Variants in COL24A1 observed in about 807,000 individuals in gnomAD.
The protein encoded by COL24A1 is collagen type XXIV alpha 1 chain, also known as collagen alpha-1(XXIV) chain.
A neutral mutation model predicts 253.9 loss-of-function variants in COL24A1; 224 were observed. That is an observed-to-expected ratio of 0.88 (90% CI 0.79 to 0.99). COL24A1 has a LOEUF of 0.99. Ranked by LOEUF, COL24A1 falls within the 50% of genes least tolerant of loss-of-function variation. COL24A1 has a pLI of 0.00. For missense variants in COL24A1, 2,131 were observed against 2,068.5 expected, an observed-to-expected ratio of 1.03 and a Z score of -0.59; for synonymous variants, 685 against 673.7, an observed-to-expected ratio of 1.02 and a Z score of -0.26.
chr1:86,030,755 T>C (rs1409217156), intron 14 of COL24A1, among the ~76,000 whole-genome samples: 3 of 148,026 alleles, frequency 2.0e-5, no homozygotes, highest in African/African-American at 7.3e-5. Flanking sequence ...TCTTTCTTTT[T>C]TTTTTTTTTT....
chr1:86,139,175 A>C (rs1193741265), intron 2 of COL24A1, among the ~76,000 whole-genome samples: 1 of 20,434 alleles, frequency 4.9e-5, no homozygotes, highest in Non-Finnish European at 9.3e-4. Flanking sequence ...AGGGAGAAGG[A>C]GAAAGGGGGG....
chr1:85,844,146 A>C (rs551378516), intron 39 of COL24A1, among the ~76,000 whole-genome samples: 2 of 152,240 alleles, frequency 1.3e-5, no homozygotes, highest in South Asian at 4.1e-4. Context: ...AAAGAGAAAA[A>C]GGAATCTTTT....
intron 3 of COL24A1, among the ~76,000 whole-genome samples, 197 bp from the exon 4 acceptor site, chr1:86,115,575 GC>G (rs1302111346): frequency 1.3e-5 from 2 of 152,156 alleles, no homozygotes; most frequent in African/African-American, 4.8e-5. Flanking sequence ...CTTTAATCTG[GC>G]CAGAAATGGC....
chr1:85,963,230 T>C (rs1691236861), intron 23 of COL24A1, among the ~76,000 whole-genome samples: 1 of 152,192 alleles, frequency 6.6e-6, no homozygotes, highest in Admixed American at 6.6e-5. Flanking sequence ...AGTTTCTGTA[T>C]GTATTTAGAT....
intron 12 of COL24A1, among the ~76,000 whole-genome samples, 199 bp from the exon 13 acceptor site, chr1:86,034,122 CTA>C (rs1289909906): frequency 1.3e-5 from 2 of 152,112 alleles, no homozygotes; most frequent in Non-Finnish European, 2.9e-5. Flanking sequence ...TACAGTATTT[CTA>C]TATGTTATAA....
At chr1:86,057,839 A>T in intron 10 of COL24A1, 92 bp downstream of exon 10, 1 of 1,115,936 alleles carries the variant, frequency 9.0e-7, no homozygotes, top group Non-Finnish European at 1.3e-6. Context: ...ATTCAAAGCT[A>T]CTAAGAGAGT....
chr1:85,824,890 C>A (rs889507707), intron 43 of COL24A1, among the ~76,000 whole-genome samples: 4 of 142,672 alleles, frequency 2.8e-5, no homozygotes, highest in Admixed American at 7.2e-5. Context: ...CATAGGCTAA[C>A]AATATTTATT....
rs1296417800 is a variant in COL24A1, at chr1:85,868,765, T to C, written c.3192+17A>G. ...CAAAACATCTATTTTATATATAATC[T>C]TAAAAGTATAATTTACCTTTAACCC... On this transcript the variant is annotated intron_variant, in intron 36 of 59. Coordinates refer to ENST00000370571, the MANE Select transcript of COL24A1 (RefSeq NM_152890.7). The C allele has an allele frequency of 6.6e-7, 1 of 1,506,898 alleles. No homozygotes were observed. The highest frequency in any genetic ancestry group is 1.4e-5 in the African/African-American group (1 of 71,178). 93.3% of individuals were successfully genotyped at this position (1,506,898 alleles called of 1,614,324 possible).
At chr1:86,112,453 A>G (rs567266932) in intron 5 of COL24A1, 114 bp downstream of exon 5, 2 of 831,300 alleles carry the variant, frequency 2.4e-6, no homozygotes, top group African/African-American at 3.4e-5. Context: ...TCTGGAGGTG[A>G]CAGAGATCCT....
chr1:85,829,796 G>A (rs1301815771), intron 43 of COL24A1, among the ~76,000 whole-genome samples: 1 of 151,892 alleles, frequency 6.6e-6, no homozygotes, highest in South Asian at 2.1e-4. Context: ...GCACTTCTCT[G>A]TATTGGTTAT....
intron 48 of COL24A1, 150 bp from the exon 49 acceptor site, chr1:85,784,516 A>T (rs751865913): frequency 6.9e-5 from 41 of 597,408 alleles, no homozygotes; most frequent in Non-Finnish European, 1.0e-4. Context: ...CATCTTGTTC[A>T]CCAATATTTT....
intron 19 of COL24A1, among the ~76,000 whole-genome samples, chr1:85,996,347 A>T (rs767938480): frequency 2.0e-5 from 3 of 152,132 alleles, no homozygotes; most frequent in Non-Finnish European, 4.4e-5. Flanking sequence ...CTCAATATCT[A>T]TATATCTGTC....
intron 37 of COL24A1, among the ~76,000 whole-genome samples, chr1:85,866,652 T>C (rs1012923041): frequency 6.6e-6 from 1 of 152,058 alleles, no homozygotes; most frequent in African/African-American, 2.4e-5. Flanking sequence ...TGCGTGCCTG[T>C]AGTCCCAGCT....
At chr1:85,754,537 T>A (rs369323793) in intron 55 of COL24A1, among the ~76,000 whole-genome samples, 1,289 of 91,044 alleles carry the variant, frequency 0.014, no homozygotes, top group East Asian at 0.019. Flanking sequence ...TAGAGTATAA[T>A]AAAAAAAAAA....
intron 7 of COL24A1, among the ~76,000 whole-genome samples, chr1:86,068,993 G>C (rs1024224295): frequency 1.3e-5 from 2 of 152,086 alleles, no homozygotes; most frequent in Admixed American, 6.6e-5. Context: ...GTGTGCTGTG[G>C]GCCTTGGGCT....
rs148123822 is a variant in COL24A1, at chr1:85,910,472, T to C, written c.2617-469A>G. 2.3e-3 allele frequency among the ~76,000 whole-genome samples: 351 copies of C among 152,046 alleles called. 6 individuals carry two copies. Among genetic ancestry groups the C allele is most frequent in the African/African-American group, 8.1e-3 (335 of 41,550 alleles). On this transcript the variant is annotated intron_variant, in intron 25 of 59. Coordinates refer to ENST00000370571, the MANE Select transcript of COL24A1 (RefSeq NM_152890.7). ...CATAAGAAATAAGTCTGGAAGATCA[T>C]GATAATCAAATCTGTCATAGCAGCT... is the stretch of plus-strand genomic sequence containing the variant.
At chr1:85,881,599 T>C (rs933185426) in intron 32 of COL24A1, among the ~76,000 whole-genome samples, 1 of 152,148 alleles carries the variant, frequency 6.6e-6, no homozygotes, top group Non-Finnish European at 1.5e-5. Context: ...CATTCCAGCC[T>C]GGGTGACAGA....
At chr1:86,028,036 C>A (rs977152343) in intron 14 of COL24A1, among the ~76,000 whole-genome samples, 1 of 151,956 alleles carries the variant, frequency 6.6e-6, no homozygotes, top group African/African-American at 2.4e-5. Flanking sequence ...GCCTGTAGCC[C>A]CTTTGTTTTG....
chr1:85,777,031 C>A (rs1668617578), intron 52 of COL24A1, among the ~76,000 whole-genome samples: 1 of 151,884 alleles, frequency 6.6e-6, no homozygotes, highest in Non-Finnish European at 1.5e-5. Context: ...CTCACTACAA[C>A]CTCCACCTCC....
Sources: gnomAD v4.1 joint callset for allele counts (sites outside exome capture counted in the v4.1 genomes callset) on GRCh38, gnomAD v4.1.1 for gene constraint, MANE v1.5 for transcripts, NCBI Gene and HGNC (gene_info 2026-07-23, HGNC 2026-07-21) for gene names.